The following PRDM16 variants were observed in gnomAD, a reference collection of about 807,000 sequenced individuals.
PRDM16 encodes the protein PR/SET domain 16, also known as histone-lysine N-methyltransferase PRDM16.
PRDM16 carries 23 observed loss-of-function variants against 110.6 expected under a neutral mutation model. The ratio of observed to expected loss-of-function variants is 0.21; its 90% CI spans 0.15 to 0.29. The LOEUF is 0.29. Ranked by LOEUF, PRDM16 falls within the 10% of genes least tolerant of loss-of-function variation. PRDM16 has a pLI of 1.00. For missense variants in PRDM16, 1,615 were observed against 1,794.3 expected (o/e 0.90, Z 1.81); for synonymous variants, 799 against 781.8 (o/e 1.02, Z -0.37).
At chr1:3,302,633 A>G (rs1173576422) in intron 3 of PRDM16, among the ~76,000 whole-genome samples, 4 of 152,338 alleles carry the variant, frequency 2.6e-5, no homozygotes, top group East Asian at 1.9e-4. Context: ...TAAGACATGT[A>G]ATTCTACATC....
chr1:3,310,986 TGTGC>T (rs1207161849), intron 3 of PRDM16, among the ~76,000 whole-genome samples: 4 of 151,982 alleles, frequency 2.6e-5, no homozygotes, highest in Non-Finnish European at 5.9e-5. Flanking sequence ...TGTGTGCGTG[TGTGC>T]GTGCGTATGT....
chr1:3,345,544 T>G (rs1045173274), intron 3 of PRDM16, among the ~76,000 whole-genome samples: 1 of 152,214 alleles, frequency 6.6e-6, no homozygotes, highest in Non-Finnish European at 1.5e-5. Flanking sequence ...ACTGGCCAAG[T>G]ACCCCACCTA....
In PRDM16 at chr1:3,245,189, T is replaced by G. The variant is rs190350852; in HGVS notation, c.438+1052T>G. On this transcript the variant is annotated intron_variant, in intron 3 of 16. Coordinates refer to ENST00000270722, the MANE Select transcript of PRDM16 (RefSeq NM_022114.4). This position sits in a 1 kb window ranked among gnomAD's most constrained non-coding sequence, Gnocchi z 4.7. ...CAACTGGATTCCGTGACGCAGCATATGGGCTTGAGGGGTACTGGCAGCCTT... is the reference window on the plus strand; with the variant it reads ...CAACTGGATTCCGTGACGCAGCATAGGGGCTTGAGGGGTACTGGCAGCCTT... Among the ~76,000 whole-genome samples, 136 of 152,266 alleles carry G rather than the reference T, an allele frequency of 8.9e-4. No individual in the cohort carries two copies. Among genetic ancestry groups the G allele is most frequent in the African/African-American group, 3.1e-3 (130 of 41,560 alleles).
chr1:3,237,274 C>T (rs1639560063), intron 2 of PRDM16, among the ~76,000 whole-genome samples: 1 of 152,094 alleles, frequency 6.6e-6, no homozygotes, highest in Non-Finnish European at 1.5e-5. Context: ...CCCAGGGCTC[C>T]TCCGTCTCTG....
chr1:3,269,860 G>C, intron 3 of PRDM16, among the ~76,000 whole-genome samples: 2 of 116,164 alleles, frequency 1.7e-5, no homozygotes, highest in Admixed American at 9.3e-5. Flanking sequence ...CCCAGAGGAG[G>C]AAAGTCCCAG....
Position 3,425,227 on chromosome 1 carries a change from A to G in PRDM16, c.2940-354A>G, listed in dbSNP as rs1970118. 144,134 of 173,966 alleles carry G rather than the reference A, an allele frequency of 0.83. 60,121 individuals are homozygous for G. The highest frequency in any genetic ancestry group is 0.98 in the East Asian group (6,287 of 6,406). 10.8% of individuals were successfully genotyped at this position (173,966 alleles called of 1,614,324 possible). A position where few individuals can be genotyped will look rare whatever the true frequency, so the allele number is the denominator to read the frequency against. ...AGAGTAGCTGGGACTACAGGCGCCC[A>G]CCACCACGACTGGCTGATTTTTTTG... On this transcript the variant is annotated intron_variant, in intron 12 of 16. Transcript: ENST00000270722. This position sits in a 1 kb window ranked among gnomAD's most constrained non-coding sequence, Gnocchi z 6.9.
At chr1:3,365,818 G>A (rs1642799422) in intron 3 of PRDM16, among the ~76,000 whole-genome samples, 2 of 152,232 alleles carry the variant, frequency 1.3e-5, no homozygotes, top group South Asian at 4.1e-4. Context: ...GGTTGGGGTG[G>A]AAGGAAATGC....
chr1:3,299,166 TGTGCTGTGGCC>T (rs1641154251), intron 3 of PRDM16, among the ~76,000 whole-genome samples: 2 of 149,928 alleles, frequency 1.3e-5, no homozygotes, highest in African/African-American at 4.9e-5. Flanking sequence ...TTGAAGATGC[TGTGCTGTGGCC>T]ATGATGTTTC....
chr1:3,169,592 A>G (rs1644001469), intron 1 of PRDM16, among the ~76,000 whole-genome samples: 1 of 152,182 alleles, frequency 6.6e-6, no homozygotes, highest in East Asian at 1.9e-4. Context: ...TGAGGGGCAG[A>G]GTATCCCTGT....
At chr1:3,073,782 C>T (rs1446323163) in intron 1 of PRDM16, among the ~76,000 whole-genome samples, 1 of 152,186 alleles carries the variant, frequency 6.6e-6, no homozygotes, top group Non-Finnish European at 1.5e-5. Flanking sequence ...CAGCCTGGCG[C>T]CCCGACCCTG....
intron 3 of PRDM16, among the ~76,000 whole-genome samples, chr1:3,312,399 C>A (rs953023133): frequency 2.0e-5 from 3 of 152,200 alleles, no homozygotes; most frequent in African/African-American, 7.2e-5. Context: ...GACCACAGGG[C>A]CCCGAGGGCA....
intron 1 of PRDM16, among the ~76,000 whole-genome samples, chr1:3,110,912 TG>T (rs1479597613): frequency 6.6e-6 from 1 of 151,522 alleles, no homozygotes; most frequent in African/African-American, 2.4e-5. Context: ...TGCCCCGGGG[TG>T]GGGTGGGGGA....
intron 2 of PRDM16, among the ~76,000 whole-genome samples, chr1:3,193,341 C>T (rs1452186792): frequency 6.6e-6 from 1 of 152,236 alleles, no homozygotes; most frequent in African/African-American, 2.4e-5. Flanking sequence ...CCAGGTCTAG[C>T]CATTCCTAGG....
intron 3 of PRDM16, among the ~76,000 whole-genome samples, chr1:3,354,459 C>CAAAAAA (rs59791059): frequency 2.6e-5 from 3 of 113,244 alleles, no homozygotes; most frequent in African/African-American, 9.6e-5. Context: ...GACTCTGCCT[C>CAAAAAA]AAAAAAAAAA....
At chr1:3,228,256 C>T (rs1302714363) in intron 2 of PRDM16, among the ~76,000 whole-genome samples, 1 of 152,180 alleles carries the variant, frequency 6.6e-6, no homozygotes, top group Admixed American at 6.5e-5. Context: ...TGCGTTCACT[C>T]GCGATAAACG....
chr1:3,418,656 C>T lies in PRDM16; in HGVS notation c.2862-11C>T. On this transcript the variant is annotated splice_polypyrimidine_tract_variant and intron_variant, in intron 11 of 16. Transcript: ENST00000270722. The stretch of plus-strand genomic sequence containing the variant: ...ATCCTCCCTCACCCTCCCCACCTCC[C>T]TCCACCCCAGGTACTGTGGGAAGAT... 6.2e-7 allele frequency: 1 copy of T among 1,605,108 alleles called. No individual in the cohort carries two copies. The highest frequency in any genetic ancestry group is 8.5e-7 in the Non-Finnish European group (1 of 1,171,982).
chr1:3,085,941 G>C (rs1040048966), intron 1 of PRDM16, among the ~76,000 whole-genome samples: 1 of 152,246 alleles, frequency 6.6e-6, no homozygotes, highest in Non-Finnish European at 1.5e-5. Flanking sequence ...CACTCACGTG[G>C]GTTCACGTTG....
At chr1:3,366,380 C>T (rs974479950) in intron 3 of PRDM16, among the ~76,000 whole-genome samples, 8 of 152,210 alleles carry the variant, frequency 5.3e-5, no homozygotes, top group Admixed American at 2.6e-4. Flanking sequence ...AGTGGACGGC[C>T]GTGTCCCCTG....
chr1:3,329,246 G>A (rs1043924145), intron 3 of PRDM16, among the ~76,000 whole-genome samples: 1 of 152,224 alleles, frequency 6.6e-6, no homozygotes, highest in Non-Finnish European at 1.5e-5. Flanking sequence ...TCGTGGTGGC[G>A]TTCCAGATGG....
Sources: allele counts gnomAD v4.1 joint callset (sites outside exome capture counted in the v4.1 genomes callset), GRCh38; gene constraint gnomAD v4.1.1; non-coding constraint Gnocchi (gnomAD v3.1); transcripts MANE v1.5; gene names NCBI Gene and HGNC (gene_info 2026-07-23, HGNC 2026-07-21).